GALNT13: variants seen among roughly 807,000 people sequenced by gnomAD.
GALNT13 encodes UDP-GalNAc:polypeptide N-acetylgalactosaminyltransferase 13.
GALNT13 carries 28 observed loss-of-function variants against 64.2 expected under a neutral mutation model. The ratio of observed to expected loss-of-function variants is 0.44; its 90% confidence interval spans 0.32 to 0.60. The LOEUF (loss-of-function observed/expected upper bound fraction) is 0.60. Ranked by LOEUF, GALNT13 falls within the 20% of genes least tolerant of loss-of-function variation. The probability of loss-of-function intolerance (pLI) is 0.05; values close to 1 mark genes in which losing one functional copy is unlikely to be tolerated. For missense variants in GALNT13, 577 were observed against 669.8 expected, an observed-to-expected ratio of 0.86 and a Z score of 1.53; for synonymous variants, 214 against 224.6, an observed-to-expected ratio of 0.95 and a Z score of 0.42.
At chr2:153,818,377 T>C in the GALNT13 span, among the ~76,000 whole-genome samples, 1 of 152,140 alleles carries the variant, frequency 6.6e-6, no homozygotes, top group Admixed American at 6.5e-5. Context: ...AGTGGCCAGA[T>C]TGCCCTGACT....
chr2:153,604,869 A>G, the GALNT13 span, among the ~76,000 whole-genome samples: 22 of 152,212 alleles, frequency 1.4e-4, no homozygotes, highest in Admixed American at 2.6e-4. Context: ...GGCTAACAAG[A>G]AACACATAAT....
chr2:153,412,491 T>C, the GALNT13 span, among the ~76,000 whole-genome samples: 2 of 152,154 alleles, frequency 1.3e-5, no homozygotes, highest in African/African-American at 2.4e-5. Flanking sequence ...CATCTCAAAA[T>C]AGATGAAGTC....
chr2:153,660,443 A>C, the GALNT13 span, among the ~76,000 whole-genome samples: 54 of 152,040 alleles, frequency 3.6e-4, no homozygotes, highest in African/African-American at 1.3e-3. Flanking sequence ...TTGAGCAAGG[A>C]ACTGATACTG....
the GALNT13 span, among the ~76,000 whole-genome samples, chr2:153,124,326 C>T: frequency 6.6e-6 from 1 of 152,170 alleles, no homozygotes; most frequent in South Asian, 2.1e-4. Flanking sequence ...CTCACAGAAA[C>T]TGTGATATAA....
the GALNT13 span, among the ~76,000 whole-genome samples, chr2:153,471,399 G>A: frequency 1.4e-4 from 22 of 152,044 alleles, no homozygotes; most frequent in Non-Finnish European, 2.6e-4. Flanking sequence ...CTCAGCCAGC[G>A]GACAGGATGT....
At chr2:154,316,733 C>T (rs1051244412) in intron 9 of GALNT13, among the ~76,000 whole-genome samples, 1 of 152,110 alleles carries the variant, frequency 6.6e-6, no homozygotes, top group Non-Finnish European at 1.5e-5. Flanking sequence ...GCCCCAAGTC[C>T]CAGTGTGGGG....
chr2:153,477,760 G>A, the GALNT13 span: 1 of 158,922 alleles, frequency 6.3e-6, no homozygotes, highest in Admixed American at 6.4e-5. Context: ...GGGGGAGCAG[G>A]AGAAGAGTGG....
chr2:153,620,601 C>G, the GALNT13 span, among the ~76,000 whole-genome samples: 8 of 152,050 alleles, frequency 5.3e-5, no homozygotes, highest in South Asian at 1.7e-3. Flanking sequence ...TCCAGAATTT[C>G]TGCTTGATTC....
At chr2:153,509,588 T>C in the GALNT13 span, among the ~76,000 whole-genome samples, 1 of 152,260 alleles carries the variant, frequency 6.6e-6, no homozygotes, top group Non-Finnish European at 1.5e-5. Flanking sequence ...TTGTTAAAAG[T>C]GTTATTGTAG....
chr2:153,694,977 A>G, the GALNT13 span, among the ~76,000 whole-genome samples: 1 of 152,234 alleles, frequency 6.6e-6, no homozygotes, highest in African/African-American at 2.4e-5. Context: ...ATGATTTATT[A>G]TAACAAAAAG....
the GALNT13 span, among the ~76,000 whole-genome samples, chr2:153,166,055 G>C: frequency 5.3e-5 from 8 of 152,084 alleles, no homozygotes; most frequent in Non-Finnish European, 1.2e-4. Flanking sequence ...CCATGTTTTT[G>C]GAATTTACAC....
At chr2:154,411,914 A>G (rs937607621) in intron 11 of GALNT13, among the ~76,000 whole-genome samples, 2 of 151,752 alleles carry the variant, frequency 1.3e-5, no homozygotes, top group South Asian at 2.1e-4. Flanking sequence ...AAATGAACAA[A>G]AGATTTCATT....
the GALNT13 span, among the ~76,000 whole-genome samples, chr2:153,251,992 G>T: frequency 6.6e-6 from 1 of 151,420 alleles, no homozygotes; most frequent in Non-Finnish European, 1.5e-5. Context: ...ACCCAGTAAA[G>T]GGATGGCTGG....
chr2:153,382,345 T>C, the GALNT13 span, among the ~76,000 whole-genome samples: 1 of 152,082 alleles, frequency 6.6e-6, no homozygotes, highest in African/African-American at 2.4e-5. Flanking sequence ...GCCCTCTAGT[T>C]GTCCTCAGGA....
At chr2:153,395,651 T>C in the GALNT13 span, among the ~76,000 whole-genome samples, 1 of 152,156 alleles carries the variant, frequency 6.6e-6, no homozygotes, top group Non-Finnish European at 1.5e-5. Context: ...TCTGGGCATA[T>C]GAGACAAGTA....
chr2:153,478,754 G>A, the GALNT13 span: 1 of 597,278 alleles, frequency 1.7e-6, no homozygotes. Flanking sequence ...GCAGCAGCTA[G>A]GCTCTTCTAA....
At chr2:153,301,319 G>A in the GALNT13 span, among the ~76,000 whole-genome samples, 21,274 of 73,998 alleles carry the variant, frequency 0.29, 2,293 homozygotes, top group African/African-American at 0.33. Context: ...CAAAAAAAAA[G>A]AAAAAAAAAA....
At chr2:153,718,374 T>A in the GALNT13 span, among the ~76,000 whole-genome samples, 2 of 152,028 alleles carry the variant, frequency 1.3e-5, no homozygotes, top group African/African-American at 4.8e-5. Flanking sequence ...ATCACCCGTG[T>A]CTGTTCCTGC....
the GALNT13 span, among the ~76,000 whole-genome samples, chr2:153,601,132 A>G: frequency 6.6e-6 from 1 of 151,750 alleles, no homozygotes; most frequent in South Asian, 2.1e-4. Context: ...TCAAACATAC[A>G]TACATTCTTT....
Sources: allele counts gnomAD v4.1 joint callset (sites outside exome capture counted in the v4.1 genomes callset), GRCh38; gene constraint gnomAD v4.1.1; transcripts MANE v1.5; gene names NCBI Gene and HGNC (gene_info 2026-07-23, HGNC 2026-07-21).